SNAP23: variants seen among roughly 807,000 people sequenced by gnomAD.
SNAP23 encodes the protein synaptosomal-associated protein 23.
SNAP23 carries 11 observed loss-of-function variants against 29.0 expected under a neutral mutation model. The ratio of observed to expected loss-of-function variants is 0.38; its 90% confidence interval spans 0.24 to 0.63. The LOEUF is 0.63. SNAP23 is among the 20% of genes least tolerant of loss of function. The pLI is 0.58. For missense variants in SNAP23, 220 were observed against 253.9 expected, an observed-to-expected ratio of 0.87 and a Z score of 0.91; for synonymous variants, 60 against 82.9, an observed-to-expected ratio of 0.72 and a Z score of 1.50.
chr15:42,500,333 T>A (rs545546936), intron 1 of SNAP23, among the ~76,000 whole-genome samples: 2 of 152,192 alleles, frequency 1.3e-5, no homozygotes, highest in South Asian at 4.1e-4. Context: ...ATATTTTGTT[T>A]CCAGATCTGT....
At chr15:42,492,749 T>C (rs2057183308), upstream of SNAP23, 1 of 148,090 alleles carries the variant, frequency 6.8e-6, no homozygotes, top group South Asian at 2.2e-4. Flanking sequence ...TCTATGTAAA[T>C]CCAGATTTGT....
chr15:42,530,353 T>TA (rs1357590471), intron 7 of SNAP23, among the ~76,000 whole-genome samples: 1 of 152,230 alleles, frequency 6.6e-6, no homozygotes, highest in African/African-American at 2.4e-5. Flanking sequence ...ACACACGAAA[T>TA]AGAGTCATGT....
At chr15:42,493,372 ATGTGTGTGCG>A (rs2057190345), upstream of SNAP23, among the ~76,000 whole-genome samples, 1 of 151,664 alleles carries the variant, frequency 6.6e-6, no homozygotes, top group African/African-American at 2.4e-5. Flanking sequence ...ATATACATAT[ATGTGTGTGCG>A]TGTGTGTGTA....
At chr15:42,503,971 T>C (rs979577318) in intron 1 of SNAP23, among the ~76,000 whole-genome samples, 2 of 152,100 alleles carry the variant, frequency 1.3e-5, no homozygotes, top group Non-Finnish European at 2.9e-5. Flanking sequence ...TAAAGTTGTT[T>C]GTGTAGAAGG....
At chr15:42,522,584 C>G (rs531914259) in intron 5 of SNAP23, among the ~76,000 whole-genome samples, 33 of 151,878 alleles carry the variant, frequency 2.2e-4, no homozygotes, top group Non-Finnish European at 4.6e-4. Flanking sequence ...CACACACTCA[C>G]ATTCACTCTT....
At chr15:42,496,238 C>A (rs1258009992) in intron 1 of SNAP23, among the ~76,000 whole-genome samples, 1 of 152,048 alleles carries the variant, frequency 6.6e-6, no homozygotes, top group Non-Finnish European at 1.5e-5. Flanking sequence ...AGTTTCATCT[C>A]GTCCTTTTTT....
intron 1 of SNAP23, among the ~76,000 whole-genome samples, chr15:42,500,705 C>G (rs1007319987): frequency 6.6e-6 from 1 of 151,986 alleles, no homozygotes; most frequent in African/African-American, 2.4e-5. Context: ...TGCTCTTTTT[C>G]TTTGCTGTGA....
At chr15:42,519,873 G>T (rs1048190616) in intron 5 of SNAP23, among the ~76,000 whole-genome samples, 1 of 152,038 alleles carries the variant, frequency 6.6e-6, no homozygotes, top group Non-Finnish European at 1.5e-5. Context: ...ATGGATTGGG[G>T]TAACAGTTGT....
chr15:42,528,620 G>A (rs914286458), intron 6 of SNAP23, among the ~76,000 whole-genome samples, 200 bp downstream of exon 6: 4 of 152,116 alleles, frequency 2.6e-5, no homozygotes, highest in Admixed American at 2.6e-4. Flanking sequence ...GAGTCTTGCT[G>A]TGTTGCCCAG....
Position 42,531,429 on chromosome 15 carries a change from A to G in SNAP23, c.587A>G (p.Asp196Gly), listed in dbSNP as rs2057563584. The change falls in exon 8 of 8, where the codon GAT (aspartate) becomes GGT (glycine). Residue 196 changes from aspartate (D) to glycine (G), a missense_variant. Physicochemically the swap from Asp to Gly is moderately conservative, Grantham distance 94. Coordinates refer to ENST00000249647, the MANE Select transcript of SNAP23 (RefSeq NM_003825.4). ...GTTTTTCAGGCTGACACCAACAGAG[A>G]TCGTATTGATATTGCCAATGCCAGA... ...RITDKADTNRDRIDIANARAK... is the reference protein window; with the variant it reads ...RITDKADTNRGRIDIANARAK... The G allele has an allele frequency of 1.3e-6, 2 of 1,587,496 alleles. No individual in the cohort carries two copies. The highest frequency in any genetic ancestry group is 1.8e-5 in the Admixed American group (1 of 56,264).
chr15:42,531,936 C>A lies in SNAP23; in HGVS notation c.*458C>A, dbSNP rs2057569535. 1 of 152,794 alleles carries A rather than the reference C, an allele frequency of 6.5e-6. No individual in the cohort carries two copies. The highest frequency in any genetic ancestry group is 2.4e-5 in the African/African-American group (1 of 41,452). The allele number at this position is 152,794 out of a possible 1,614,324, so 9.5% of individuals were successfully genotyped here. ...CACAAAGCAAAAAGTTGCATAGCCA[C>A]AACGAAGATCTAGTTGGATATAGTT... On this transcript the variant is annotated 3_prime_UTR_variant, in exon 8 of 8. Coordinates refer to ENST00000249647, the MANE Select transcript of SNAP23 (RefSeq NM_003825.4).
At chr15:42,517,526 T>C (rs987329982) in intron 5 of SNAP23, among the ~76,000 whole-genome samples, 7 of 152,142 alleles carry the variant, frequency 4.6e-5, no homozygotes, top group Middle Eastern at 3.2e-3. Flanking sequence ...AGACCTAAGA[T>C]GGTCTAATAT....
At chr15:42,505,581 G>T (rs1371896346) in intron 1 of SNAP23, 1 of 128,612 alleles carries the variant, frequency 7.8e-6, no homozygotes. Flanking sequence ...TTTTTGAGAC[G>T]GAGTCTTGCT....
chr15:42,513,026 A>T, intron 3 of SNAP23, 30 bp downstream of exon 3: 1 of 1,468,606 alleles, frequency 6.8e-7, no homozygotes. Flanking sequence ...CAACTTAAGT[A>T]TAGAAATTTA....
rs551016763 is a variant in SNAP23, at chr15:42,513,011, G to C, written c.99+15G>C. 73 of 1,588,296 alleles carry C rather than the reference G, an allele frequency of 4.6e-5. No homozygotes were observed. The East Asian group carries it at 1.5e-3, about 33-fold the overall frequency. The stretch of plus-strand genomic sequence containing the variant: ...TAGCCATTGAGGTAAGAAAATGTTA[G>C]TCATCAACTTAAGTATAGAAATTTA... On this transcript the variant is annotated intron_variant, in intron 3 of 7. Coordinates refer to ENST00000249647, the MANE Select transcript of SNAP23 (RefSeq NM_003825.4).
At chr15:42,514,703 T>C (rs2057384579) in intron 4 of SNAP23, among the ~76,000 whole-genome samples, 1 of 149,584 alleles carries the variant, frequency 6.7e-6, no homozygotes, top group African/African-American at 2.4e-5. Context: ...CAAGATTCTT[T>C]TTTTTTTTTT....
chr15:42,512,923 T>G, intron 2 of SNAP23, 32 bp from the exon 3 acceptor site: 1 of 1,570,948 alleles, frequency 6.4e-7, no homozygotes. Context: ...TCTACATATT[T>G]TGGAATGCTA....
intron 4 of SNAP23, among the ~76,000 whole-genome samples, chr15:42,514,441 G>T (rs1186405424): frequency 6.6e-6 from 1 of 151,880 alleles, no homozygotes; most frequent in African/African-American, 2.4e-5. Context: ...GAGCCACCGT[G>T]TCTGGCCAGA....
At chr15:42,513,656 C>T (rs775897162) in intron 4 of SNAP23, among the ~76,000 whole-genome samples, 2 of 152,034 alleles carry the variant, frequency 1.3e-5, no homozygotes, top group African/African-American at 4.8e-5. Context: ...TTGTATATAC[C>T]AAGTATGTGT....
Sources: allele counts gnomAD v4.1 joint callset (sites outside exome capture counted in the v4.1 genomes callset), GRCh38; gene constraint gnomAD v4.1.1; transcripts MANE v1.5; gene names NCBI Gene and HGNC (gene_info 2026-07-23, HGNC 2026-07-21).